The following MAP2K1 variants were observed in gnomAD, a reference collection of about 807,000 sequenced individuals.
MAP2K1 encodes the protein mitogen-activated protein kinase kinase 1, also known as dual specificity mitogen-activated protein kinase kinase 1.
Under a neutral mutation model 46.3 loss-of-function variants are expected in MAP2K1, and 16 were observed. The ratio of observed to expected loss-of-function variants is 0.35; its 90% confidence interval spans 0.23 to 0.52. The LOEUF is 0.52. Ranked by LOEUF, MAP2K1 falls within the 20% of genes least tolerant of loss-of-function variation. MAP2K1 has a pLI of 0.94. For synonymous variants in MAP2K1, 183 were observed against 185.6 expected (o/e 0.99, Z 0.11); for missense variants, 263 against 497.1 (o/e 0.53, Z 4.48).
Position 66,469,723 on chromosome 15 carries a change from C to CACACACACACACACACACACAT in MAP2K1, c.569-12031_569-12030insCACACACACACACACACACATA, listed in dbSNP as rs143830560. Among the ~76,000 whole-genome samples, 972 of 134,502 alleles carry CACACACACACACACACACACAT rather than the reference C, an allele frequency of 7.2e-3. 48 individuals are homozygous for CACACACACACACACACACACAT. The highest frequency in any genetic ancestry group is 0.02 in the East Asian group (76 of 3,876). 88.2% of individuals were successfully genotyped at this position (134,502 alleles called of 152,430 possible). A position where few individuals can be genotyped will look rare whatever the true frequency, so the allele number is the denominator to read the frequency against. The stretch of plus-strand genomic sequence containing the variant: ...ACACACACACACACACACACACACA[C>CACACACACACACACACACACAT]ATATCGGATGTTAGCTTTTAATTAA... On this transcript the variant is annotated intron_variant, in intron 5 of 10. Transcript: ENST00000307102.
chr15:66,489,901 C>G, intron 10 of MAP2K1, 138 bp downstream of exon 10: 3 of 797,528 alleles, frequency 3.8e-6, no homozygotes, highest in Non-Finnish European at 6.7e-6. Flanking sequence ...TGCAGAATAC[C>G]AAACACCAGT....
At chr15:66,388,904 C>CT (rs72328500) in intron 1 of MAP2K1, among the ~76,000 whole-genome samples, 26,661 of 111,942 alleles carry the variant, frequency 0.24, 4,055 homozygotes, top group Middle Eastern at 0.34. Flanking sequence ...AACATTTGTT[C>CT]TTTTTTTTTT....
intron 1 of MAP2K1, among the ~76,000 whole-genome samples, chr15:66,416,919 A>G (rs922448776): frequency 1.3e-5 from 2 of 152,144 alleles, no homozygotes; most frequent in African/African-American, 2.4e-5. Context: ...CGAGTCCCCA[A>G]ACAAGCTTTT....
At chr15:66,411,425 C>G (rs1006788603) in intron 1 of MAP2K1, among the ~76,000 whole-genome samples, 2 of 152,122 alleles carry the variant, frequency 1.3e-5, no homozygotes, top group Admixed American at 6.6e-5. Flanking sequence ...GAGAGCCCTT[C>G]TCCTTTGGAA....
At chr15:66,454,569 T>TA (rs1892114874) in intron 5 of MAP2K1, among the ~76,000 whole-genome samples, 1 of 152,186 alleles carries the variant, frequency 6.6e-6, no homozygotes, top group Non-Finnish European at 1.5e-5. Context: ...TGACTTGGTT[T>TA]AAGCTTCTAA....
chr15:66,471,002 G>T (rs1892620150), intron 5 of MAP2K1, among the ~76,000 whole-genome samples: 1 of 152,218 alleles, frequency 6.6e-6, no homozygotes, highest in Non-Finnish European at 1.5e-5. Flanking sequence ...TCCCAGGTAG[G>T]TGAGAGACAA....
intron 6 of MAP2K1, among the ~76,000 whole-genome samples, 185 bp downstream of exon 6, chr15:66,482,064 C>T (rs901980638): frequency 2.6e-5 from 4 of 152,108 alleles, no homozygotes; most frequent in African/African-American, 9.7e-5. Flanking sequence ...TTTCTTAGGC[C>T]TTGGAGCATA....
At chr15:66,467,535 G>T (rs369421206) in intron 5 of MAP2K1, among the ~76,000 whole-genome samples, 7 of 152,190 alleles carry the variant, frequency 4.6e-5, no homozygotes, top group Admixed American at 2.0e-4. Context: ...CTAAACCAAT[G>T]TCAGTCTCTT....
chr15:66,484,883 T>C (rs749146887), intron 6 of MAP2K1, 107 bp from the exon 7 acceptor site: 116 of 983,760 alleles, frequency 1.2e-4, no homozygotes, highest in East Asian at 9.5e-5. Flanking sequence ...AGTGGAGCTC[T>C]TGAAACAGGA....
intron 1 of MAP2K1, among the ~76,000 whole-genome samples, chr15:66,432,274 G>A (rs34592737): frequency 0.056 from 8,560 of 152,272 alleles, 345 homozygotes; most frequent in Middle Eastern, 0.11. Context: ...TCACTGGCCA[G>A]CTTCTGAAAG....
intron 1 of MAP2K1, among the ~76,000 whole-genome samples, chr15:66,400,390 C>T (rs2093378647): frequency 6.6e-6 from 1 of 152,230 alleles, no homozygotes. Flanking sequence ...GTGGATATTC[C>T]ACCACATCCC....
At chr15:66,393,323 G>A (rs1365585125) in intron 1 of MAP2K1, among the ~76,000 whole-genome samples, 3 of 151,996 alleles carry the variant, frequency 2.0e-5, no homozygotes, top group Non-Finnish European at 2.9e-5. Flanking sequence ...GATTACAGGT[G>A]CCTGACACCA....
chr15:66,476,466 A>G (rs956937943), intron 5 of MAP2K1, among the ~76,000 whole-genome samples: 2 of 152,202 alleles, frequency 1.3e-5, no homozygotes, highest in African/African-American at 4.8e-5. Context: ...AGAACTAGGC[A>G]TCTAGGAGTA....
At position 66,490,298 on chromosome 15, in the gene MAP2K1, G is replaced by A; in HGVS notation, c.1069-204G>A. ...ACGAGTAGGCTCCAAGAGGTGACTT[G>A]CCCAAGGCCTCACAGCTGCTGTGAC... On this transcript the variant is annotated intron_variant, in intron 10 of 10. Coordinates refer to ENST00000307102, the MANE Select transcript of MAP2K1 (RefSeq NM_002755.4). 4 of 689,242 alleles carry A rather than the reference G, an allele frequency of 5.8e-6. No homozygotes were observed. The South Asian group carries it at 5.9e-5, about 10-fold the overall frequency. 42.7% of individuals were successfully genotyped at this position (689,242 alleles called of 1,614,324 possible).
At chr15:66,431,942 G>A (rs183405674) in intron 1 of MAP2K1, among the ~76,000 whole-genome samples, 17 of 152,212 alleles carry the variant, frequency 1.1e-4, no homozygotes, top group Admixed American at 9.2e-4. Flanking sequence ...GAGAACATGC[G>A]GTATTTGGTT....
chr15:66,486,361 C>T (rs1248511745), intron 7 of MAP2K1, among the ~76,000 whole-genome samples: 1 of 152,146 alleles, frequency 6.6e-6, no homozygotes, highest in Non-Finnish European at 1.5e-5. Context: ...TTTCATTACC[C>T]CAGCAAGAAA....
chr15:66,409,903 G>C (rs760564914), intron 1 of MAP2K1, among the ~76,000 whole-genome samples: 1 of 152,158 alleles, frequency 6.6e-6, no homozygotes, highest in Non-Finnish European at 1.5e-5. Flanking sequence ...CCCTTTGAAA[G>C]AAGAATTACA....
At chr15:66,428,745 A>AGTG (rs2093466655) in intron 1 of MAP2K1, among the ~76,000 whole-genome samples, 1 of 131,494 alleles carries the variant, frequency 7.6e-6, no homozygotes, top group Non-Finnish European at 1.6e-5. Flanking sequence ...TGCAAAGATT[A>AGTG]GTGTTGCCCT....
At chr15:66,443,964 G>A (rs1027547094) in intron 4 of MAP2K1, among the ~76,000 whole-genome samples, 14 of 152,168 alleles carry the variant, frequency 9.2e-5, no homozygotes, top group Non-Finnish European at 1.5e-4. Context: ...GGGGCTGGGC[G>A]CGGTGGCTCA....
Sources: gnomAD v4.1 joint callset for allele counts (sites outside exome capture counted in the v4.1 genomes callset) on GRCh38, gnomAD v4.1.1 for gene constraint, MANE v1.5 for transcripts, NCBI Gene and HGNC (gene_info 2026-07-23, HGNC 2026-07-21) for gene names.